AGXT2: variants seen among roughly 807,000 people sequenced by gnomAD.
The protein encoded by AGXT2 is alanine--glyoxylate aminotransferase 2, mitochondrial.
In AGXT2, 61 loss-of-function variants were observed where a neutral mutation model predicts 62.5. The ratio of observed to expected loss-of-function variants is 0.98; its 90% CI spans 0.79 to 1.21. AGXT2 has a LOEUF of 1.21. Ranked by LOEUF, AGXT2 falls within the 50% of genes most tolerant of loss-of-function variation. AGXT2 has a pLI of 0.00. For synonymous variants in AGXT2, 243 were observed against 218.7 expected (o/e 1.11, Z -0.98); for missense variants, 666 against 641.5 (o/e 1.04, Z -0.41).
chr5:35,033,248 A>T, intron 6 of AGXT2: 1 of 563,974 alleles, frequency 1.8e-6, no homozygotes, highest in Non-Finnish European at 3.2e-6. Flanking sequence ...AGCAAAATAC[A>T]TTTTAAAACT....
At chr5:35,027,968 T>G (rs1244842777) in intron 7 of AGXT2, among the ~76,000 whole-genome samples, 1 of 151,630 alleles carries the variant, frequency 6.6e-6, no homozygotes, top group African/African-American at 2.4e-5. Flanking sequence ...TGTATTTAAT[T>G]CTAGTTGACC....
At chr5:35,003,518 G>C (rs533032943) in intron 13 of AGXT2, among the ~76,000 whole-genome samples, 6 of 151,688 alleles carry the variant, frequency 4.0e-5, no homozygotes, top group Admixed American at 3.3e-4. Context: ...AAAGAGCCGC[G>C]ACAACCAAAC....
intron 2 of AGXT2, among the ~76,000 whole-genome samples, chr5:35,039,774 T>C (rs1767914431): frequency 6.6e-6 from 1 of 152,262 alleles, no homozygotes; most frequent in Admixed American, 6.5e-5. Context: ...GCCTTGGCTC[T>C]GAGTTGATTT....
intron 9 of AGXT2, among the ~76,000 whole-genome samples, chr5:35,018,554 A>G (rs868383733): frequency 1.7e-4 from 26 of 152,206 alleles, no homozygotes; most frequent in Admixed American, 5.9e-4. Context: ...GGCCTGCCCT[A>G]AAAGAGCTCC....
intron 3 of AGXT2, 42 bp from the exon 4 acceptor site, chr5:35,037,107 C>T (rs766920729): frequency 2.2e-5 from 35 of 1,612,312 alleles, no homozygotes; most frequent in East Asian, 1.6e-4. Flanking sequence ...CTGCGTGCCA[C>T]GTCCCTCCTG....
At chr5:35,030,776 G>A (rs993740232) in intron 7 of AGXT2, among the ~76,000 whole-genome samples, 1 of 152,186 alleles carries the variant, frequency 6.6e-6, no homozygotes, top group Non-Finnish European at 1.5e-5. Flanking sequence ...CGTCTACTAG[G>A]CTCTGTGCTG....
intron 9 of AGXT2, among the ~76,000 whole-genome samples, chr5:35,014,876 A>C (rs1273963532): frequency 6.6e-6 from 1 of 152,188 alleles, no homozygotes; most frequent in Non-Finnish European, 1.5e-5. Context: ...GAGCTGGGGC[A>C]CTTGCTCCAG....
chr5:35,044,676 C>T (rs1369857211), intron 1 of AGXT2, among the ~76,000 whole-genome samples: 2 of 152,292 alleles, frequency 1.3e-5, no homozygotes, highest in East Asian at 3.9e-4. Flanking sequence ...TCATAACCTT[C>T]CAGTATATGC....
intron 9 of AGXT2, among the ~76,000 whole-genome samples, chr5:35,023,899 ATTTATT>A (rs1767220932): frequency 1.3e-5 from 2 of 150,862 alleles, no homozygotes; most frequent in South Asian, 2.1e-4. Flanking sequence ...TTATTTATTT[ATTTATT>A]TATTTTGAGA....
chr5:35,046,032 G>C (rs538910276), intron 1 of AGXT2, among the ~76,000 whole-genome samples: 2 of 152,134 alleles, frequency 1.3e-5, no homozygotes, highest in African/African-American at 4.8e-5. Context: ...CTCACAAAGT[G>C]CTGGGATTAG....
intron 4 of AGXT2, among the ~76,000 whole-genome samples, chr5:35,036,210 G>T (rs112231715): frequency 1.3e-5 from 2 of 152,296 alleles, no homozygotes; most frequent in East Asian, 1.9e-4. Flanking sequence ...CTGACTCTCT[G>T]CTTCTGCTCT....
intron 1 of AGXT2, among the ~76,000 whole-genome samples, chr5:35,040,985 A>G (rs1767964056): frequency 6.6e-6 from 1 of 152,098 alleles, no homozygotes; most frequent in African/African-American, 2.4e-5. Context: ...AACTTCTGCT[A>G]GTGCAATGCG....
chr5:35,034,096 C>T (rs1308627918), intron 5 of AGXT2, among the ~76,000 whole-genome samples: 13 of 152,078 alleles, frequency 8.5e-5, no homozygotes, highest in Non-Finnish European at 1.6e-4. Flanking sequence ...CGAACAATTT[C>T]CCATATCAAA....
chr5:35,036,818 C>T, intron 4 of AGXT2, 124 bp downstream of exon 4: 1 of 1,428,096 alleles, frequency 7.0e-7, no homozygotes, highest in Non-Finnish European at 9.7e-7. Flanking sequence ...AAATTCCCTG[C>T]CCATGTCCCT....
intron 3 of AGXT2, 32 bp from the exon 4 acceptor site, chr5:35,037,097 C>T (rs763606895): frequency 6.2e-7 from 1 of 1,613,024 alleles, no homozygotes; most frequent in East Asian, 2.2e-5. Context: ...GTTACCTGCA[C>T]TGCGTGCCAC....
At chr5:35,024,586 A>G (rs925821610) in intron 9 of AGXT2, among the ~76,000 whole-genome samples, 3 of 152,218 alleles carry the variant, frequency 2.0e-5, no homozygotes, top group Non-Finnish European at 2.9e-5. Flanking sequence ...AACCTATTTT[A>G]CAATTTTTGG....
intron 12 of AGXT2, among the ~76,000 whole-genome samples, chr5:35,007,200 AC>A (rs1766459022): frequency 6.6e-6 from 1 of 152,202 alleles, no homozygotes; most frequent in Non-Finnish European, 1.5e-5. Context: ...GCAAGAAGGC[AC>A]CATCTATGAA....
rs70973023 is a variant in AGXT2 at position 35,041,223 on chromosome 5, C to CGAAAAA, written c.89-561_89-560insTTTTTC. Among the ~76,000 whole-genome samples, 29 of 51,404 alleles carry CGAAAAA rather than the reference C, an allele frequency of 5.6e-4. 4 individuals are homozygous for CGAAAAA. Among genetic ancestry groups the CGAAAAA allele is most frequent in the Admixed American group, 1.3e-3 (5 of 3,878 alleles). The allele number at this position is 51,404 out of a possible 152,430, so 33.7% of individuals were successfully genotyped here. A position where few individuals can be genotyped will look rare whatever the true frequency, so the allele number is the denominator to read the frequency against. On this transcript the variant is annotated intron_variant, in intron 1 of 13. Coordinates refer to ENST00000231420, the MANE Select transcript of AGXT2 (RefSeq NM_031900.4). ...CCCAGAAGACAAAACCTCCCCCCGC[C>CGAAAAA]AAAAAAAAAAAAAAAAAAAGGCTGC...
At chr5:35,015,642 G>C (rs1029501620) in intron 9 of AGXT2, among the ~76,000 whole-genome samples, 10 of 152,004 alleles carry the variant, frequency 6.6e-5, no homozygotes, top group Non-Finnish European at 1.2e-4. Context: ...CTGAGGTCCG[G>C]AGTTTGAGAC....
Sources: gnomAD v4.1 joint callset for allele counts (sites outside exome capture counted in the v4.1 genomes callset) on GRCh38, gnomAD v4.1.1 for gene constraint, MANE v1.5 for transcripts, NCBI Gene and HGNC (gene_info 2026-07-23, HGNC 2026-07-21) for gene names.